UPF2: variants seen among roughly 807,000 people sequenced by gnomAD.
The protein encoded by UPF2 is regulator of nonsense transcripts 2.
A neutral mutation model predicts 141.4 loss-of-function variants in UPF2; 17 were observed. That is an observed-to-expected ratio of 0.12 (90% CI 0.08 to 0.18). The LOEUF is 0.18. Among genes scored for constraint, UPF2 ranks in the 10% least tolerant of loss-of-function variants. The pLI, the probability that UPF2 is intolerant of heterozygous loss-of-function variation, is 1.00. For synonymous variants in UPF2, 540 were observed against 498.0 expected (o/e 1.08, Z -1.12); for missense variants, 1,152 against 1,515.9 (o/e 0.76, Z 3.99).
chr10:11,959,286 T>C lies in UPF2; in HGVS notation c.2255A>G (p.Tyr752Cys). The change falls in exon 12 of 22, where the codon TAT (tyrosine) becomes TGT (cysteine). Residue 752 changes from tyrosine to cysteine, a missense_variant. Physicochemically the swap from Tyr to Cys is radical, Grantham distance 194. Coordinates refer to ENST00000357604, the MANE Select transcript of UPF2 (RefSeq NM_015542.4). The surrounding 1 kb of genome is among the most constrained non-coding windows in gnomAD (Gnocchi z 5.9). ...ARYVTMVENA[Y>C]YYCNPPPAEK... Reference sequence around the variant, plus strand: ...AGCTGGAGGTGGGTTGCAGTAGTAATATGCATTCTCTACCATTGTGACGTA... The same window carrying C: ...AGCTGGAGGTGGGTTGCAGTAGTAACATGCATTCTCTACCATTGTGACGTA... 1.2e-6 allele frequency: 2 copies of C among 1,612,768 alleles called. No individual in the cohort carries two copies. The highest frequency in any genetic ancestry group is 8.5e-7 in the Non-Finnish European group (1 of 1,179,610).
intron 8 of UPF2, among the ~76,000 whole-genome samples, chr10:11,991,694 G>A (rs1467984240): frequency 6.6e-6 from 1 of 152,150 alleles, no homozygotes; most frequent in African/African-American, 2.4e-5. Context: ...TGACTATTGA[G>A]TGACACCTAC....
At chr10:11,994,369 C>T (rs1564359426) in intron 8 of UPF2, among the ~76,000 whole-genome samples, 1 of 152,142 alleles carries the variant, frequency 6.6e-6, no homozygotes. Context: ...CAGCTGCCCA[C>T]TGTGTTAAAA....
At chr10:11,955,923 C>A (rs1833141782) in intron 13 of UPF2, among the ~76,000 whole-genome samples, 1 of 152,094 alleles carries the variant, frequency 6.6e-6, no homozygotes, top group Non-Finnish European at 1.5e-5. Flanking sequence ...CAGGTGATCA[C>A]CTACGGTCAG....
Position 11,931,812 on chromosome 10 carries a change from T to C in UPF2, c.3547-30A>G, listed in dbSNP as rs781064347. ...GAGAAAATAACAAAGGAGTTACAAA[T>C]AGTTTGAGAACACTGAGAGAAAGAA... On this transcript the variant is annotated intron_variant, in intron 19 of 21. Coordinates refer to ENST00000357604, the MANE Select transcript of UPF2 (RefSeq NM_015542.4). The surrounding 1 kb of genome is among the most constrained non-coding windows in gnomAD (Gnocchi z 5.9). The C allele has an allele frequency of 6.3e-7, 1 of 1,582,632 alleles. No individual in the cohort carries two copies. Among genetic ancestry groups the C allele is most frequent in the African/African-American group, 1.4e-5 (1 of 72,986 alleles).
chr10:11,985,026 T>C (rs1833664334), intron 8 of UPF2, among the ~76,000 whole-genome samples: 1 of 152,202 alleles, frequency 6.6e-6, no homozygotes. Flanking sequence ...CTATGCATTT[T>C]AAAGCAAGAC....
At chr10:11,969,687 TATTA>T (rs1431445097) in intron 9 of UPF2, among the ~76,000 whole-genome samples, 2 of 152,214 alleles carry the variant, frequency 1.3e-5, no homozygotes, top group East Asian at 3.8e-4. Flanking sequence ...AAACTTCTCT[TATTA>T]ATTTACCTTA....
At chr10:11,981,814 T>C (rs891485287) in intron 8 of UPF2, among the ~76,000 whole-genome samples, 2 of 152,144 alleles carry the variant, frequency 1.3e-5, no homozygotes, top group Non-Finnish European at 2.9e-5. Context: ...GCCTCCCAAG[T>C]AGCTGGGATT....
At position 11,920,618 on chromosome 10, in the gene UPF2, ATT is replaced by A. The variant is rs760454469; in HGVS notation, c.*678_*679del. On this transcript the variant is annotated 3_prime_UTR_variant, in exon 22 of 22. Coordinates refer to ENST00000357604, the MANE Select transcript of UPF2 (RefSeq NM_015542.4). Reference sequence around the variant, plus strand: ...CTCTGTATAGTAAAATAGTCTCCACATTTTTCTTTTACCTTAATAGGCAATTT... The same window carrying A: ...CTCTGTATAGTAAAATAGTCTCCACATTTCTTTTACCTTAATAGGCAATTT... 3 of 196,476 alleles carry A rather than the reference ATT, an allele frequency of 1.5e-5. No homozygotes were observed. Among genetic ancestry groups the A allele is most frequent in the African/African-American group, 2.3e-5 (1 of 42,634 alleles). 12.2% of individuals were successfully genotyped at this position (196,476 alleles called of 1,614,324 possible).
intron 16 of UPF2, among the ~76,000 whole-genome samples, chr10:11,947,906 A>C (rs1303288161): frequency 1.3e-5 from 2 of 151,996 alleles, no homozygotes; most frequent in Non-Finnish European, 2.9e-5. Flanking sequence ...TAATTAAACA[A>C]GGGGTTTTAT....
upstream of UPF2, chr10:12,042,814 T>TCTCCC (rs1178418116): frequency 1.3e-5 from 2 of 150,378 alleles, no homozygotes; most frequent in Admixed American, 6.6e-5. The surrounding 1 kb of genome is among the most constrained non-coding windows in gnomAD (Gnocchi z 5.5). Flanking sequence ...GCGCTCGGGC[T>TCTCCC]CTCCCCTCCC....
At position 11,931,921 on chromosome 10, in the gene UPF2, C is replaced by T. The variant is rs1302959893; in HGVS notation, c.3547-139G>A. The stretch of plus-strand genomic sequence containing the variant: ...ATCCCAGCACTTTGGGAGGCCGAGG[C>T]GGGCGGATCACGAGGTCAAGAGATC... On this transcript the variant is annotated intron_variant, in intron 19 of 21. Coordinates refer to ENST00000357604, the MANE Select transcript of UPF2 (RefSeq NM_015542.4). This position sits in a 1 kb window ranked among gnomAD's most constrained non-coding sequence, Gnocchi z 5.9. 36 of 850,780 alleles carry T rather than the reference C, an allele frequency of 4.2e-5. No homozygotes were observed. Among genetic ancestry groups the T allele is most frequent in the East Asian group, 6.0e-5 (2 of 33,120 alleles). 52.7% of individuals were successfully genotyped at this position (850,780 alleles called of 1,614,324 possible). A position where few individuals can be genotyped will look rare whatever the true frequency, so the allele number is the denominator to read the frequency against.
chr10:12,005,107 TA>T (rs1417797299), intron 4 of UPF2, among the ~76,000 whole-genome samples: 1 of 54,184 alleles, frequency 1.8e-5, no homozygotes, highest in African/African-American at 5.3e-5. Flanking sequence ...CCCCCATGAG[TA>T]TTTTTTTTTT....
chr10:12,001,578 A>G, intron 6 of UPF2, 98 bp downstream of exon 6: 1 of 1,229,148 alleles, frequency 8.1e-7, no homozygotes, highest in South Asian at 1.8e-5. Flanking sequence ...CAAGGAATTA[A>G]AAAATACAGA....
At chr10:12,041,350 G>C (rs1834730921) in intron 1 of UPF2, among the ~76,000 whole-genome samples, 1 of 152,054 alleles carries the variant, frequency 6.6e-6, no homozygotes, top group Admixed American at 6.6e-5. Flanking sequence ...ATTATATTCA[G>C]ACTACCCTTA....
intron 3 of UPF2, among the ~76,000 whole-genome samples, chr10:12,026,092 C>A (rs763699644): frequency 3.3e-5 from 5 of 152,140 alleles, no homozygotes; most frequent in African/African-American, 1.2e-4. Flanking sequence ...CCGCACCCTG[C>A]CAGTACTATT....
rs143996270 is a variant in UPF2 at position 11,996,434 on chromosome 10, G to A, written c.1844+1238C>T. Among the ~76,000 whole-genome samples, 319 of 151,340 alleles carry A rather than the reference G, an allele frequency of 2.1e-3. 1 individual carries two copies. The highest frequency in any genetic ancestry group is 6.9e-3 in the African/African-American group (285 of 41,212). ...ATGATCTTGGCTCACTGCAACCTCC[G>A]CCTCCTGGGTTCAACCGGTTCTCCT... On this transcript the variant is annotated intron_variant, in intron 8 of 21. Coordinates refer to ENST00000357604, the MANE Select transcript of UPF2 (RefSeq NM_015542.4).
intron 7 of UPF2, 102 bp downstream of exon 7, chr10:11,999,804 G>A (rs761887440): frequency 2.0e-5 from 19 of 928,234 alleles, no homozygotes; most frequent in Non-Finnish European, 3.1e-5. Context: ...AAGAAATGGT[G>A]GACTTTGTAG....
At position 11,956,281 on chromosome 10, in the gene UPF2, G is replaced by A. The variant is rs767754698; in HGVS notation, c.2574+39C>T. On this transcript the variant is annotated intron_variant, in intron 13 of 21. Transcript: ENST00000357604. The surrounding 1 kb of genome is among the most constrained non-coding windows in gnomAD (Gnocchi z 4.2). ...AACCTAGAAATAATAAATTCTCCACGAATTCCAGTTGTGTGACATTAAAGG... is the reference window on the plus strand; with the variant it reads ...AACCTAGAAATAATAAATTCTCCACAAATTCCAGTTGTGTGACATTAAAGG... The A allele has an allele frequency of 1.2e-5, 19 of 1,576,728 alleles. No individual in the cohort carries two copies. Among genetic ancestry groups the A allele is most frequent in the Middle Eastern group, 1.7e-4 (1 of 6,034 alleles).
intron 10 of UPF2, among the ~76,000 whole-genome samples, chr10:11,965,704 C>T (rs1833307901): frequency 6.6e-6 from 1 of 152,112 alleles, no homozygotes; most frequent in Non-Finnish European, 1.5e-5. Context: ...CATGATCTGC[C>T]CGCCTCGGCC....
Sources: allele counts gnomAD v4.1 joint callset (sites outside exome capture counted in the v4.1 genomes callset), GRCh38; gene constraint gnomAD v4.1.1; non-coding constraint Gnocchi (gnomAD v3.1); transcripts MANE v1.5; gene names NCBI Gene and HGNC (gene_info 2026-07-23, HGNC 2026-07-21).